BMP8B: variants seen among roughly 807,000 people sequenced by gnomAD.
The protein encoded by BMP8B is bone morphogenetic protein 8b, also known as bone morphogenetic protein 8 (osteogenic protein 2).
BMP8B carries 17 observed loss-of-function variants against 30.3 expected under a neutral mutation model. That is an observed-to-expected ratio of 0.56 (90% CI 0.38 to 0.84). The LOEUF (loss-of-function observed/expected upper bound fraction) is 0.84, where lower values mean the gene tolerates loss of function less well. Ranked by LOEUF, BMP8B falls within the 40% of genes least tolerant of loss-of-function variation. BMP8B has a pLI of 0.00. For synonymous variants in BMP8B, 131 were observed against 214.7 expected, an observed-to-expected ratio of 0.61 and a Z score of 3.41; for missense variants, 253 against 494.6, an observed-to-expected ratio of 0.51 and a Z score of 4.63.
At chr1:39,777,929 T>G (rs1650345446) in intron 1 of BMP8B, among the ~76,000 whole-genome samples, 1 of 152,288 alleles carries the variant, frequency 6.6e-6, no homozygotes, top group South Asian at 2.1e-4. Context: ...CTGAGAAGGC[T>G]CCCAGTCCTC....
intron 3 of BMP8B, among the ~76,000 whole-genome samples, chr1:39,768,082 GCA>G (rs376676110): frequency 0.013 from 1,888 of 148,894 alleles, 58 homozygotes; most frequent in African/African-American, 0.044. Context: ...ACGCGTGCAT[GCA>G]CACACACACA....
chr1:39,769,063 G>T (rs560666760), intron 3 of BMP8B, among the ~76,000 whole-genome samples: 1 of 147,278 alleles, frequency 6.8e-6, no homozygotes, highest in Non-Finnish European at 1.5e-5. Flanking sequence ...TGTGATGTGC[G>T]CCTGTAGTCC....
chr1:39,777,482 G>C (rs1650310773), intron 1 of BMP8B, among the ~76,000 whole-genome samples: 1 of 152,178 alleles, frequency 6.6e-6, no homozygotes. Flanking sequence ...TCCAGGAAAG[G>C]CCCTGTGGGC....
At chr1:39,785,914 A>T (rs1298706949) in intron 1 of BMP8B, among the ~76,000 whole-genome samples, 1 of 152,216 alleles carries the variant, frequency 6.6e-6, no homozygotes, top group Non-Finnish European at 1.5e-5. Context: ...GGCCTTTCTG[A>T]CAGCTGGCTG....
intron 1 of BMP8B, among the ~76,000 whole-genome samples, chr1:39,785,895 A>G (rs1359706476): frequency 6.6e-6 from 1 of 152,214 alleles, no homozygotes; most frequent in African/African-American, 2.4e-5. Context: ...AGCACAGCAG[A>G]ATAAAGAAGG....
chr1:39,772,544 G>C (rs1433862197), intron 3 of BMP8B, among the ~76,000 whole-genome samples: 1 of 91,334 alleles, frequency 1.1e-5, no homozygotes, highest in East Asian at 2.5e-4. Flanking sequence ...CATCCCAGGG[G>C]GGTCAGTAAT....
rs746147686 is a variant in BMP8B at position 39,760,371 on chromosome 1, C to T, written c.*48G>A. On this transcript the variant is annotated 3_prime_UTR_variant, in exon 7 of 7. Transcript: ENST00000372827. ...TTGAGGGTTTCCTGCTTCTGAGGGG[C>T]CCGATCCAGATGAGAAGGGTGGCTG... The T allele has an allele frequency of 2.5e-6, 4 of 1,607,872 alleles. No individual in the cohort carries two copies. The highest frequency in any genetic ancestry group is 3.4e-6 in the Non-Finnish European group (4 of 1,178,764).
In BMP8B at chr1:39,788,016, G is replaced by A. The variant is rs11581134; in HGVS notation, c.334+136C>T. On this transcript the variant is annotated intron_variant, in intron 1 of 6. Coordinates refer to ENST00000372827, the MANE Select transcript of BMP8B (RefSeq NM_001720.5). The surrounding 1 kb of genome is among the most constrained non-coding windows in gnomAD (Gnocchi z 5.8). ...CCCTTAGACCTTCCCTAACCACGGC[G>A]GTCCCACTCCCCTGTGGTTCGCGTC... 0.028 allele frequency: 37,064 copies of A among 1,314,942 alleles called. 774 individuals are homozygous for A. Among genetic ancestry groups the A allele is most frequent in the East Asian group, 0.11 (3,388 of 31,054 alleles). The allele number at this position is 1,314,942 out of a possible 1,614,324, so 81.5% of individuals were successfully genotyped here.
intron 3 of BMP8B, among the ~76,000 whole-genome samples, chr1:39,766,216 T>C (rs1482616694): frequency 6.8e-6 from 1 of 146,040 alleles, no homozygotes. Context: ...ATGGAGCCTC[T>C]TCACTCCGTG....
intron 4 of BMP8B, 80 bp from the exon 5 acceptor site, chr1:39,763,871 C>A (rs1261080766): frequency 6.9e-7 from 1 of 1,447,094 alleles, no homozygotes; most frequent in Non-Finnish European, 9.5e-7. Context: ...GTGGGGGATG[C>A]CCTGATGAGC....
chr1:39,777,453 TC>T (rs1170563279), intron 1 of BMP8B, among the ~76,000 whole-genome samples: 1 of 152,090 alleles, frequency 6.6e-6, no homozygotes, highest in African/African-American at 2.4e-5. Context: ...AAAGCAAACT[TC>T]GGAAGCAACC....
intron 1 of BMP8B, among the ~76,000 whole-genome samples, chr1:39,782,705 T>A (rs1213341116): frequency 1.3e-5 from 2 of 152,036 alleles, no homozygotes; most frequent in Admixed American, 6.6e-5. Flanking sequence ...TGACCTCAGG[T>A]GATCCGCCCC....
rs192821184 is a variant in BMP8B at position 39,779,289 on chromosome 1, C to T, written c.335-4251G>A. Among the ~76,000 whole-genome samples, 7 of 152,318 alleles carry T rather than the reference C, an allele frequency of 4.6e-5. No individual in the cohort carries two copies. In the East Asian group the frequency reaches 1.4e-3, roughly 29 times the overall value. On this transcript the variant is annotated intron_variant, in intron 1 of 6. Coordinates refer to ENST00000372827, the MANE Select transcript of BMP8B (RefSeq NM_001720.5). ...ACACAGACAGGGAGGGCCGGCCCTA[C>T]TCTGTCCCACCTGACCAGACCCAGG... is the stretch of plus-strand genomic sequence containing the variant.
chr1:39,779,861 T>C (rs1428251218), intron 1 of BMP8B, among the ~76,000 whole-genome samples: 2 of 152,244 alleles, frequency 1.3e-5, no homozygotes, highest in East Asian at 3.8e-4. Flanking sequence ...CACATATTGT[T>C]GCACATTGTT....
intron 1 of BMP8B, among the ~76,000 whole-genome samples, chr1:39,775,408 G>A (rs972853619): frequency 6.6e-6 from 1 of 152,162 alleles, no homozygotes; most frequent in African/African-American, 2.4e-5. Context: ...AGGGAAGATG[G>A]ACATTGGACC....
At chr1:39,771,610 G>C (rs1300570644) in intron 3 of BMP8B, among the ~76,000 whole-genome samples, 1 of 150,340 alleles carries the variant, frequency 6.7e-6, no homozygotes, top group Non-Finnish European at 1.5e-5. Context: ...AGCTTCCCCA[G>C]CTCATTAAAG....
At chr1:39,781,066 C>T (rs1650604586) in intron 1 of BMP8B, among the ~76,000 whole-genome samples, 1 of 152,200 alleles carries the variant, frequency 6.6e-6, no homozygotes, top group Admixed American at 6.5e-5. Flanking sequence ...CTTTGGGCTT[C>T]TCTTTCTCAG....
intron 6 of BMP8B, chr1:39,762,331 A>G (rs1276151335): frequency 1.9e-5 from 13 of 684,762 alleles, no homozygotes; most frequent in South Asian, 8.0e-5. Context: ...GAGCCACCGC[A>G]CCTGATCAAG....
At chr1:39,781,890 C>T (rs1001426071) in intron 1 of BMP8B, among the ~76,000 whole-genome samples, 2 of 152,168 alleles carry the variant, frequency 1.3e-5, no homozygotes, top group East Asian at 1.9e-4. Context: ...GGCGTGGTGG[C>T]TCTCGCCTGT....
Sources: allele counts gnomAD v4.1 joint callset (sites outside exome capture counted in the v4.1 genomes callset), GRCh38; gene constraint gnomAD v4.1.1; non-coding constraint Gnocchi (gnomAD v3.1); transcripts MANE v1.5; gene names NCBI Gene and HGNC (gene_info 2026-07-23, HGNC 2026-07-21).